SGCZ: variants seen among roughly 807,000 people sequenced by gnomAD.
The protein encoded by SGCZ is zeta-sarcoglycan.
SGCZ carries 40 observed loss-of-function variants against 41.3 expected under a neutral mutation model. That is an observed-to-expected ratio of 0.97 (90% confidence interval 0.75 to 1.26). The LOEUF is 1.26. SGCZ is among the 50% of genes most tolerant of loss of function. The pLI is 0.00. For missense variants in SGCZ, 552 were observed against 369.8 expected (o/e 1.49, Z -4.04); for synonymous variants, 206 against 137.5 (o/e 1.50, Z -3.49).
At chr8:14,902,934 A>T (rs773783195) in intron 1 of SGCZ, among the ~76,000 whole-genome samples, 5 of 152,136 alleles carry the variant, frequency 3.3e-5, no homozygotes, top group Non-Finnish European at 5.9e-5. Context: ...TAGAAAAACG[A>T]TTTGTATTGG....
chr8:14,551,579 T>TATATATACATAA lies in SGCZ; in HGVS notation c.234+3152_234+3153insTTATGTATATAT, dbSNP rs1803859179. Among the ~76,000 whole-genome samples, 28 of 29,168 alleles carry TATATATACATAA rather than the reference T, an allele frequency of 9.6e-4. 1 individual carries two copies. The highest frequency in any genetic ancestry group is 5.6e-3 in the African/African-American group (27 of 4,836). The allele number at this position is 29,168 out of a possible 152,430, so 19.1% of individuals were successfully genotyped here. ...ATATATTATATATATAATATATATA[T>TATATATACATAA]AATATATATAATATATATTATATAT... On this transcript the variant is annotated intron_variant, in intron 2 of 7. Coordinates refer to ENST00000382080, the MANE Select transcript of SGCZ (RefSeq NM_139167.4).
At chr8:14,569,951 T>C (rs1310324748) in intron 1 of SGCZ, among the ~76,000 whole-genome samples, 1 of 150,290 alleles carries the variant, frequency 6.7e-6, no homozygotes, top group Non-Finnish European at 1.5e-5. Context: ...CTGGAATCTT[T>C]TTTTTTTTTT....
intron 4 of SGCZ, among the ~76,000 whole-genome samples, chr8:14,202,533 T>C (rs1354645880): frequency 1.4e-5 from 2 of 138,794 alleles, no homozygotes; most frequent in East Asian, 4.0e-4. Context: ...CTTGGATAAT[T>C]TTTTTTAATA....
intron 1 of SGCZ, among the ~76,000 whole-genome samples, chr8:14,931,834 C>G (rs1391811677): frequency 1.3e-5 from 2 of 151,868 alleles, no homozygotes; most frequent in Non-Finnish European, 2.9e-5. Flanking sequence ...TTTTATTAAA[C>G]TTTTTGTTTC....
At chr8:14,538,028 C>T (rs143166237) in intron 2 of SGCZ, among the ~76,000 whole-genome samples, 2 of 151,862 alleles carry the variant, frequency 1.3e-5, no homozygotes, top group Admixed American at 1.3e-4. Context: ...AAGATGAATA[C>T]CACTAACGTT....
At chr8:14,103,088 C>T (rs923687965) in intron 6 of SGCZ, among the ~76,000 whole-genome samples, 2 of 151,966 alleles carry the variant, frequency 1.3e-5, no homozygotes, top group African/African-American at 2.4e-5. Flanking sequence ...ATTCTGTTGG[C>T]CCCGTGAAAT....
At chr8:15,214,955 T>G (rs971227620) in intron 1 of SGCZ, among the ~76,000 whole-genome samples, 1 of 152,180 alleles carries the variant, frequency 6.6e-6, no homozygotes, top group African/African-American at 2.4e-5. Context: ...TGGAGGATAC[T>G]ATGTATAACA....
intron 1 of SGCZ, among the ~76,000 whole-genome samples, chr8:14,683,800 G>A (rs757562137): frequency 3.3e-5 from 5 of 152,078 alleles, no homozygotes; most frequent in South Asian, 4.2e-4. Flanking sequence ...TTTAGGGCTC[G>A]AGAAAATTAA....
At chr8:14,677,812 T>C (rs111689988) in intron 1 of SGCZ, among the ~76,000 whole-genome samples, 1,906 of 152,130 alleles carry the variant, frequency 0.013, 35 homozygotes, top group African/African-American at 0.031. Context: ...AAGTAAACTT[T>C]ATATGGAGAG....
At chr8:15,023,942 G>A (rs1803352062) in intron 1 of SGCZ, among the ~76,000 whole-genome samples, 1 of 152,180 alleles carries the variant, frequency 6.6e-6, no homozygotes. Context: ...ATTTGCAACA[G>A]TTAAATAGAA....
At chr8:14,924,175 C>G (rs915377213) in intron 1 of SGCZ, among the ~76,000 whole-genome samples, 1 of 152,164 alleles carries the variant, frequency 6.6e-6, no homozygotes, top group African/African-American at 2.4e-5. Flanking sequence ...ATTTGTTGTT[C>G]CCACAGTAGT....
chr8:14,226,034 T>C (rs913741568), intron 4 of SGCZ, among the ~76,000 whole-genome samples: 5 of 152,182 alleles, frequency 3.3e-5, no homozygotes, highest in African/African-American at 1.2e-4. Flanking sequence ...GTATAAGTGA[T>C]ATTCTAATCA....
At chr8:14,539,626 G>C (rs1183044868) in intron 2 of SGCZ, among the ~76,000 whole-genome samples, 1 of 151,824 alleles carries the variant, frequency 6.6e-6, no homozygotes, top group Non-Finnish European at 1.5e-5. Context: ...GTTTGTTGTA[G>C]AGATTATTTT....
intron 1 of SGCZ, among the ~76,000 whole-genome samples, chr8:15,025,788 A>T (rs1803434196): frequency 6.6e-6 from 1 of 152,180 alleles, no homozygotes; most frequent in Non-Finnish European, 1.5e-5. Context: ...ATACATAGAT[A>T]TTTATTTAAA....
intron 2 of SGCZ, among the ~76,000 whole-genome samples, chr8:14,425,086 T>C (rs983808065): frequency 6.6e-6 from 1 of 152,144 alleles, no homozygotes; most frequent in African/African-American, 2.4e-5. Context: ...TCGTTATTTT[T>C]TTTCTAATTG....
chr8:14,457,772 G>A (rs927007792), intron 2 of SGCZ, among the ~76,000 whole-genome samples: 26 of 152,308 alleles, frequency 1.7e-4, no homozygotes, highest in African/African-American at 4.6e-4. Context: ...CGTGACCCAC[G>A]TGACCTTACC....
intron 1 of SGCZ, among the ~76,000 whole-genome samples, chr8:15,237,171 G>T (rs1317322887): frequency 6.6e-6 from 1 of 152,192 alleles, no homozygotes; most frequent in African/African-American, 2.4e-5. Context: ...GATCGGAGCC[G>T]GGAAGAGGAG....
chr8:14,920,020 G>C (rs1799546098), intron 1 of SGCZ, among the ~76,000 whole-genome samples: 1 of 152,080 alleles, frequency 6.6e-6, no homozygotes, highest in Non-Finnish European at 1.5e-5. Flanking sequence ...CCTTTTAGTA[G>C]ATTTTATATT....
chr8:14,655,101 G>C (rs558548841), intron 1 of SGCZ, among the ~76,000 whole-genome samples: 1 of 152,174 alleles, frequency 6.6e-6, no homozygotes, highest in East Asian at 1.9e-4. Context: ...TACATTATGA[G>C]TAAAGAATCT....
Sources: gnomAD v4.1 joint callset for allele counts (sites outside exome capture counted in the v4.1 genomes callset) on GRCh38, gnomAD v4.1.1 for gene constraint, MANE v1.5 for transcripts, NCBI Gene and HGNC (gene_info 2026-07-23, HGNC 2026-07-21) for gene names.